Variants in CCBE1 observed in about 807,000 individuals in gnomAD.
CCBE1 encodes collagen and calcium-binding EGF domain-containing protein 1.
CCBE1 carries 37 observed loss-of-function variants against 50.0 expected under a neutral mutation model. The observed-to-expected ratio is 0.74, with a 90% CI of 0.57 to 0.97. The LOEUF is 0.97. CCBE1 is among the 50% of genes least tolerant of loss of function. The probability of loss-of-function intolerance (pLI) is 0.00; values close to 1 mark genes in which losing one functional copy is unlikely to be tolerated. For missense variants in CCBE1, 538 were observed against 523.8 expected (o/e 1.03, Z -0.26); for synonymous variants, 234 against 203.7 (o/e 1.15, Z -1.27).
rs986785257 is a variant in CCBE1, at chr18:59,528,544, C to T, written c.213-48306G>A. On this transcript the variant is annotated intron_variant, in intron 2 of 10. Coordinates refer to ENST00000439986, the MANE Select transcript of CCBE1 (RefSeq NM_133459.4). ...TTGCAATCATTTAAAGGAGAAGAGG[C>T]ACTCTGGATTTTTGTTTTCAGCGTT... is the stretch of plus-strand genomic sequence containing the variant. 3.3e-5 allele frequency among the ~76,000 whole-genome samples: 5 copies of T among 152,306 alleles called. No individual in the cohort carries two copies. The South Asian group carries it at 6.2e-4, about 19-fold the overall frequency.
At chr18:59,607,901 T>C (rs1386354407) in intron 2 of CCBE1, among the ~76,000 whole-genome samples, 1 of 152,196 alleles carries the variant, frequency 6.6e-6, no homozygotes, top group Admixed American at 6.5e-5. Flanking sequence ...CTGACTAACA[T>C]GGTGAAACCC....
At chr18:59,656,146 A>G (rs8085808) in intron 2 of CCBE1, among the ~76,000 whole-genome samples, 2 of 152,300 alleles carry the variant, frequency 1.3e-5, no homozygotes, top group Non-Finnish European at 2.9e-5. Flanking sequence ...AAAGAAGTGA[A>G]CATGCATGCT....
At chr18:59,529,798 T>A (rs1914977949) in intron 2 of CCBE1, among the ~76,000 whole-genome samples, 1 of 152,180 alleles carries the variant, frequency 6.6e-6, no homozygotes, top group Non-Finnish European at 1.5e-5. Context: ...GTCATTGATC[T>A]TGGCCCCTCC....
At chr18:59,692,958 A>G (rs1451046850) in intron 2 of CCBE1, among the ~76,000 whole-genome samples, 2 of 10,430 alleles carry the variant, frequency 1.9e-4, no homozygotes, top group African/African-American at 1.0e-3. Context: ...AAGCCAAAGC[A>G]CACACACACA....
At chr18:59,694,655 G>A (rs1299297782) in intron 2 of CCBE1, among the ~76,000 whole-genome samples, 1 of 152,194 alleles carries the variant, frequency 6.6e-6, no homozygotes, top group African/African-American at 2.4e-5. Flanking sequence ...GATACTTGAG[G>A]TAGTGAGGGT....
rs145951337 is a variant in CCBE1, at chr18:59,663,959, G to A, written c.212+32670C>T. Among the ~76,000 whole-genome samples the A allele has an allele frequency of 5.0e-4, 76 of 152,274 alleles. 1 individual carries two copies. In the East Asian group the frequency reaches 0.015, roughly 29 times the overall value. Reference sequence around the variant, plus strand: ...AAATAAGTTCTGCTTCAAATGTATTGTTCATGGAGCCTGCACAGCATGTTC... The same window carrying A: ...AAATAAGTTCTGCTTCAAATGTATTATTCATGGAGCCTGCACAGCATGTTC... On this transcript the variant is annotated intron_variant, in intron 2 of 10. Coordinates refer to ENST00000439986, the MANE Select transcript of CCBE1 (RefSeq NM_133459.4).
At chr18:59,479,334 C>T (rs1231396820) in intron 3 of CCBE1, among the ~76,000 whole-genome samples, 3 of 152,196 alleles carry the variant, frequency 2.0e-5, no homozygotes, top group Non-Finnish European at 1.5e-5. Context: ...GGTCTCACTT[C>T]TCCCCTCATT....
chr18:59,528,674 G>A (rs997316096), intron 2 of CCBE1, among the ~76,000 whole-genome samples: 1 of 152,142 alleles, frequency 6.6e-6, no homozygotes, highest in African/African-American at 2.4e-5. Flanking sequence ...TGATGCTACT[G>A]TTGTTATTGC....
At chr18:59,655,662 A>G (rs1336158198) in intron 2 of CCBE1, among the ~76,000 whole-genome samples, 1 of 152,234 alleles carries the variant, frequency 6.6e-6, no homozygotes, top group African/African-American at 2.4e-5. Flanking sequence ...AATAGGCAGC[A>G]GTCAGACTCA....
intron 2 of CCBE1, among the ~76,000 whole-genome samples, chr18:59,490,204 C>G (rs748586151): frequency 1.3e-5 from 2 of 151,898 alleles, no homozygotes; most frequent in Admixed American, 6.6e-5. Flanking sequence ...AGGCTCGTCT[C>G]GAACTGCTGA....
chr18:59,444,299 A>G (rs1254057564), intron 7 of CCBE1, among the ~76,000 whole-genome samples: 1 of 149,846 alleles, frequency 6.7e-6, no homozygotes, highest in Non-Finnish European at 1.5e-5. Flanking sequence ...GCATTTCTGG[A>G]TCTCATTCAT....
At chr18:59,515,001 G>T (rs912012878) in intron 2 of CCBE1, among the ~76,000 whole-genome samples, 1 of 152,154 alleles carries the variant, frequency 6.6e-6, no homozygotes, top group African/African-American at 2.4e-5. Flanking sequence ...AAGCTCTGAT[G>T]TTTATTTTAC....
intron 2 of CCBE1, among the ~76,000 whole-genome samples, chr18:59,619,183 G>A (rs531945851): frequency 2.3e-4 from 35 of 152,266 alleles, no homozygotes; most frequent in African/African-American, 7.9e-4. Flanking sequence ...ATGTTTACTT[G>A]AATGCTAAAA....
intron 2 of CCBE1, among the ~76,000 whole-genome samples, chr18:59,547,081 A>AG (rs199649204): frequency 3.5e-5 from 1 of 28,406 alleles, no homozygotes; most frequent in Non-Finnish European, 5.9e-5. Flanking sequence ...GGGGGAGAGA[A>AG]AGGGAGAGAG....
intron 2 of CCBE1, among the ~76,000 whole-genome samples, chr18:59,656,533 C>G (rs1004266548): frequency 2.0e-5 from 3 of 152,142 alleles, no homozygotes; most frequent in Non-Finnish European, 4.4e-5. Context: ...TTAAATTGTT[C>G]TTAAAGGAAG....
At chr18:59,615,528 T>C (rs146927119) in intron 2 of CCBE1, among the ~76,000 whole-genome samples, 134 of 152,286 alleles carry the variant, frequency 8.8e-4, no homozygotes, top group Admixed American at 2.1e-3. Flanking sequence ...AAGAGATCTT[T>C]AAGGTGTTTT....
chr18:59,478,021 G>A (rs943249755), intron 3 of CCBE1, among the ~76,000 whole-genome samples: 5 of 152,082 alleles, frequency 3.3e-5, no homozygotes, highest in Non-Finnish European at 5.9e-5. Context: ...TAAATCAGAT[G>A]ACCCTCCATA....
chr18:59,561,888 C>T (rs748934838), intron 2 of CCBE1, among the ~76,000 whole-genome samples: 34 of 152,142 alleles, frequency 2.2e-4, no homozygotes, highest in Non-Finnish European at 4.1e-4. Context: ...GAGAAAGCTA[C>T]TTTGAGAAAG....
intron 2 of CCBE1, among the ~76,000 whole-genome samples, chr18:59,676,048 G>A (rs760590458): frequency 3.9e-5 from 6 of 152,180 alleles, no homozygotes; most frequent in African/African-American, 7.2e-5. Flanking sequence ...CTATAATCCA[G>A]CACAGATAGC....
Sources: allele counts gnomAD v4.1 joint callset (sites outside exome capture counted in the v4.1 genomes callset), GRCh38; gene constraint gnomAD v4.1.1; transcripts MANE v1.5; gene names NCBI Gene and HGNC (gene_info 2026-07-23, HGNC 2026-07-21).